HNRNPA2B1: variants seen among roughly 807,000 people sequenced by gnomAD.
The protein encoded by HNRNPA2B1 is heterogeneous nuclear ribonucleoproteins A2/B1.
HNRNPA2B1 carries 3 observed loss-of-function variants against 46.3 expected under a neutral mutation model. That is an observed-to-expected ratio of 0.06 (90% CI 0.03 to 0.17). HNRNPA2B1 has a LOEUF of 0.17. Ranked by LOEUF, HNRNPA2B1 falls within the 10% of genes least tolerant of loss-of-function variation. HNRNPA2B1 has a pLI of 1.00. For missense variants in HNRNPA2B1, 221 were observed against 418.9 expected (o/e 0.53, Z 4.12); for synonymous variants, 225 against 133.8 (o/e 1.68, Z -4.70).
intron 1 of HNRNPA2B1, chr7:26,199,038 C>T (rs1784027524): frequency 6.6e-6 from 1 of 152,142 alleles, no homozygotes; most frequent in Non-Finnish European, 1.5e-5. Flanking sequence ...GAAATGGTTA[C>T]TTGTCACGAT....
rs774142726 is a variant in HNRNPA2B1 at position 26,193,288 on chromosome 7, A to G, written c.927T>C (p.Phe309=). 5.6e-6 allele frequency: 9 copies of G among 1,613,562 alleles called. No homozygotes were observed. The highest frequency in any genetic ancestry group is 4.5e-5 in the East Asian group (2 of 44,870). ...SNYGPMKSGN[F]GGSRNMGGPY... is the part of the protein sequence containing the mutation. ...GTCCCCCCATGTTCCTGCTACCACC[A>G]AAGTTTCCACTCTTCATTGGACCGT... Residue 309 remains phenylalanine, a synonymous_variant, in exon 9 of 11, where the codon TTT becomes TTC. Transcript: ENST00000618183.
In HNRNPA2B1 at chr7:26,191,566, C is replaced by A. The variant is rs1221939065; in HGVS notation, c.*794G>T. ...CTGAACTTAGTAGCCGTCAAGAGTT[C>A]TCTTGTACTAGACCTGTGTCCCTGA... On this transcript the variant is annotated 3_prime_UTR_variant, in exon 11 of 11. Coordinates refer to ENST00000618183, the MANE Select transcript of HNRNPA2B1 (RefSeq NM_002137.4). The A allele has an allele frequency of 6.6e-6, 1 of 152,206 alleles. No individual in the cohort carries two copies. The allele number at this position is 152,206 out of a possible 1,614,324, so 9.4% of individuals were successfully genotyped here. A position where few individuals can be genotyped will look rare whatever the true frequency, so the allele number is the denominator to read the frequency against.
Position 26,193,340 on chromosome 7 carries a change from C to T in HNRNPA2B1, c.875G>A (p.Gly292Glu). ...GTTAGAAGGTTGCTGGTTATAATTT[C>T]CAAAATCATTGTAATTTCCACTTCC... ...NYGSGNYNDF[G>E]NYNQQPSNYG... The change falls in exon 9 of 11, where the codon GGA (glycine) becomes GAA (glutamate). Residue 292 changes from glycine (G) to glutamate (E), a missense_variant. Around this residue, in one of 2 missense-constraint regions of HNRNPA2B1, gnomAD observed 143 missense variants for 200.5 expected, o/e 0.71. Transcript: ENST00000618183. 6.2e-7 allele frequency: 1 copy of T among 1,612,028 alleles called. No homozygotes were observed. The highest frequency in any genetic ancestry group is 1.1e-5 in the South Asian group (1 of 90,966).
chr7:26,195,410 C>T (rs1037013204), intron 7 of HNRNPA2B1, among the ~76,000 whole-genome samples: 1 of 152,194 alleles, frequency 6.6e-6, no homozygotes, highest in East Asian at 1.9e-4. Flanking sequence ...GCACACTAAA[C>T]ATTTTGGAAC....
Position 26,197,648 on chromosome 7 carries a change from G to T in HNRNPA2B1, c.91C>A (p.Gln31Lys). The T allele has an allele frequency of 1.2e-6, 2 of 1,613,418 alleles. No homozygotes were observed. Among genetic ancestry groups the T allele is most frequent in the Non-Finnish European group, 1.7e-6 (2 of 1,179,508 alleles). Residue 31 changes from glutamine to lysine, a missense_variant, in exon 2 of 11, where the codon CAA becomes AAA. Transcript: ENST00000618183. ...ACACAGTCTGTAAGCTTTCCCCATT[G>T]TTCGTAGTAGTTCCTCAAACTTTCT... ...TEESLRNYYE[Q>K]WGKLTDCVVM...
chr7:26,199,878 C>G (rs983943533), intron 1 of HNRNPA2B1: 2 of 152,220 alleles, frequency 1.3e-5, no homozygotes, highest in African/African-American at 4.8e-5. Context: ...GGAGCACCCC[C>G]CCTCCCCGCT....
rs537136913 is a variant in HNRNPA2B1, at chr7:26,195,960, T to C, written c.659-51A>G. Reference sequence around the variant, plus strand: ...GTTTACTATAAACTGTTCAGCATTATTGCTAATATTCATTTTCAGTTCTCT... The same window carrying C: ...GTTTACTATAAACTGTTCAGCATTACTGCTAATATTCATTTTCAGTTCTCT... On this transcript the variant is annotated intron_variant, in intron 6 of 10. Transcript: ENST00000618183. 3.0e-4 allele frequency: 459 copies of C among 1,548,432 alleles called. 1 individual carries two copies. The highest frequency in any genetic ancestry group is 1.2e-4 in the Non-Finnish European group (136 of 1,154,888).
In HNRNPA2B1 at chr7:26,200,688, T is replaced by A. The variant is rs1784335614; in HGVS notation, c.-111A>T. ...CTGGCGCTGTAGTGAGAACTGCCGC[T>A]GCTCGAGAAACAACTCTGCGAGGAG... On this transcript the variant is annotated 5_prime_UTR_variant, in exon 1 of 11. Coordinates refer to ENST00000618183, the MANE Select transcript of HNRNPA2B1 (RefSeq NM_002137.4). 1 of 1,377,210 alleles carries A rather than the reference T, an allele frequency of 7.3e-7. No homozygotes were observed. Among genetic ancestry groups the A allele is most frequent in the Non-Finnish European group, 1.0e-6 (1 of 970,916 alleles). 85.3% of individuals were successfully genotyped at this position (1,377,210 alleles called of 1,614,324 possible).
rs779301053 is a variant in HNRNPA2B1, at chr7:26,192,591, A to G, written c.965-14T>C. ...GACCATAGTTTCCTATAATTGTTGGAACAGCAAGAGAAAACAAACTTACTT... is the reference window on the plus strand; with the variant it reads ...GACCATAGTTTCCTATAATTGTTGGGACAGCAAGAGAAAACAAACTTACTT... On this transcript the variant is annotated splice_polypyrimidine_tract_variant and intron_variant, in intron 9 of 10. Coordinates refer to ENST00000618183, the MANE Select transcript of HNRNPA2B1 (RefSeq NM_002137.4). The G allele has an allele frequency of 1.9e-6, 3 of 1,612,338 alleles. No homozygotes were observed. The highest frequency in any genetic ancestry group is 2.2e-5 in the South Asian group (2 of 91,048).
chr7:26,195,490 T>C (rs1030931100), intron 7 of HNRNPA2B1, among the ~76,000 whole-genome samples: 1 of 152,208 alleles, frequency 6.6e-6, no homozygotes, highest in African/African-American at 2.4e-5. Context: ...TTTAGACATA[T>C]TTCATATTTT....
At chr7:26,194,957 G>T (rs1426580028) in intron 7 of HNRNPA2B1, among the ~76,000 whole-genome samples, 1 of 151,516 alleles carries the variant, frequency 6.6e-6, no homozygotes, top group Non-Finnish European at 1.5e-5. Context: ...AGCTGGGCGT[G>T]GTGGTGCACG....
At chr7:26,195,975 T>G in intron 6 of HNRNPA2B1, 66 bp from the exon 7 acceptor site, 1 of 1,531,228 alleles carries the variant, frequency 6.5e-7, no homozygotes, top group Non-Finnish European at 8.7e-7. Flanking sequence ...AATATTCATT[T>G]TCAGTTCTCT....
chr7:26,194,014 G>A (rs533571560), intron 7 of HNRNPA2B1, among the ~76,000 whole-genome samples: 2 of 152,256 alleles, frequency 1.3e-5, no homozygotes, highest in East Asian at 3.9e-4. Flanking sequence ...TAGTAGTGTG[G>A]GCTAGAGGGA....
Position 26,200,737 on chromosome 7 carries a change from T to TGCTGCTACTGCCGCTAGAGCC in HNRNPA2B1, c.-161_-160insGGCTCTAGCGGCAGTAGCAGC. 1 of 864,048 alleles carries TGCTGCTACTGCCGCTAGAGCC rather than the reference T, an allele frequency of 1.2e-6. No individual in the cohort carries two copies. Among genetic ancestry groups the TGCTGCTACTGCCGCTAGAGCC allele is most frequent in the Non-Finnish European group, 1.9e-6 (1 of 524,760 alleles). The allele number at this position is 864,048 out of a possible 1,614,324, so 53.5% of individuals were successfully genotyped here. ...AGCACCTCCGCACGGGACCCGGCGC[T>TGCTGCTACTGCCGCTAGAGCC]GCTGCTACTGCCGCTAGAGCCGCTG... On this transcript the variant is annotated 5_prime_UTR_variant, in exon 1 of 11. Coordinates refer to ENST00000618183, the MANE Select transcript of HNRNPA2B1 (RefSeq NM_002137.4).
At chr7:26,195,811 T>A in intron 7 of HNRNPA2B1, 36 bp downstream of exon 7, 1 of 1,601,502 alleles carries the variant, frequency 6.2e-7, no homozygotes, top group Non-Finnish European at 8.5e-7. Flanking sequence ...TAAGTATTAG[T>A]CACATAAACA....
chr7:26,195,092 C>CAAAAAAAAAAAAAAAAAAGAAACCATATT, intron 7 of HNRNPA2B1, among the ~76,000 whole-genome samples: 1 of 51,938 alleles, frequency 1.9e-5, no homozygotes, highest in Non-Finnish European at 4.7e-5. Flanking sequence ...GGCTCCGTCT[C>CAAAAAAAAAAAAAAAAAAGAAACCATATT]AAAAAAAAAA....
rs560386975 is a variant in HNRNPA2B1 at position 26,193,842 on chromosome 7, T to C, written c.722-148A>G. The C allele has an allele frequency of 1.7e-4, 124 of 725,564 alleles. No homozygotes were observed. The African/African-American group carries it at 2.2e-3, about 13-fold the overall frequency. 44.9% of individuals were successfully genotyped at this position (725,564 alleles called of 1,614,324 possible). A position where few individuals can be genotyped will look rare whatever the true frequency, so the allele number is the denominator to read the frequency against. On this transcript the variant is annotated intron_variant, in intron 7 of 10. Transcript: ENST00000618183. The stretch of plus-strand genomic sequence containing the variant: ...AATAGCTTCAAGGACTGAATAACTA[T>C]CCTTGGTAAACATTTGGTGGCTGGG...
At position 26,200,731 on chromosome 7, in the gene HNRNPA2B1, C is replaced by G. The variant is rs1021868799; in HGVS notation, c.-154G>C. 3 of 934,040 alleles carry G rather than the reference C, an allele frequency of 3.2e-6. No homozygotes were observed. Among genetic ancestry groups the G allele is most frequent in the Non-Finnish European group, 5.1e-6 (3 of 582,820 alleles). The allele number at this position is 934,040 out of a possible 1,614,324, so 57.9% of individuals were successfully genotyped here. A position where few individuals can be genotyped will look rare whatever the true frequency, so the allele number is the denominator to read the frequency against. On this transcript the variant is annotated 5_prime_UTR_variant, in exon 1 of 11. Transcript: ENST00000618183. ...GCGAGGAGCACCTCCGCACGGGACC[C>G]GGCGCTGCTGCTACTGCCGCTAGAG...
In HNRNPA2B1 at chr7:26,196,868, T is replaced by C; in HGVS notation, c.414A>G (p.Gly138=). The change falls in exon 4 of 11, where the codon GGA becomes GGG. Residue 138 remains glycine, a synonymous_variant. Coordinates refer to ENST00000618183, the MANE Select transcript of HNRNPA2B1 (RefSeq NM_002137.4). Reference sequence around the variant, plus strand: ...TAACAAAGCCAAAGCCTCTTTTCTTTCCAGACTGCCTATCAGTAATTATCT... The same window carrying C: ...TAACAAAGCCAAAGCCTCTTTTCTTCCCAGACTGCCTATCAGTAATTATCT... The part of the protein sequence containing the change: ...TIEIITDRQS[G]KKRGFGFVTF... The C allele has an allele frequency of 6.2e-7, 1 of 1,614,100 alleles. No homozygotes were observed. Among genetic ancestry groups the C allele is most frequent in the Non-Finnish European group, 8.5e-7 (1 of 1,179,996 alleles).
Sources: gnomAD v4.1 joint callset for allele counts (sites outside exome capture counted in the v4.1 genomes callset) on GRCh38, gnomAD v4.1.1 for gene constraint, gnomAD v4.1.1 regional missense constraint, MANE v1.5 for transcripts, NCBI Gene and HGNC (gene_info 2026-07-23, HGNC 2026-07-21) for gene names.